Variants in LDAH observed in about 807,000 individuals in gnomAD.
LDAH encodes lipid droplet associated hydrolase.
Under a neutral mutation model 29.6 loss-of-function variants are expected in LDAH, and 26 were observed. The ratio of observed to expected loss-of-function variants is 0.88; its 90% CI spans 0.64 to 1.22. The LOEUF is 1.22. LDAH is among the 50% of genes most tolerant of loss of function. The pLI is 0.00. For missense variants in LDAH, 344 were observed against 387.3 expected (o/e 0.89, Z 0.94); for synonymous variants, 117 against 133.0 (o/e 0.88, Z 0.83).
chr2:20,756,523 C>A (rs919223428), intron 4 of LDAH, among the ~76,000 whole-genome samples: 1 of 151,216 alleles, frequency 6.6e-6, no homozygotes, highest in African/African-American at 2.4e-5. Context: ...AAAGAGAGAC[C>A]CATGAAGTAA....
At chr2:20,778,830 T>C (rs1339416469) in intron 3 of LDAH, among the ~76,000 whole-genome samples, 1 of 152,112 alleles carries the variant, frequency 6.6e-6, no homozygotes, top group Non-Finnish European at 1.5e-5. Flanking sequence ...ATATTCTTTA[T>C]TACATGTATA....
intron 4 of LDAH, among the ~76,000 whole-genome samples, chr2:20,740,975 T>TGTG (rs1246419048): frequency 1.3e-5 from 2 of 152,208 alleles, no homozygotes; most frequent in African/African-American, 4.8e-5. Flanking sequence ...TTCTAACAGG[T>TGTG]GTGGCGTTAT....
chr2:20,788,443 G>A (rs1267987057), intron 3 of LDAH, among the ~76,000 whole-genome samples: 7 of 152,172 alleles, frequency 4.6e-5, no homozygotes, highest in Admixed American at 3.9e-4. Context: ...TGAGGTCAGA[G>A]ATTACAATTA....
At chr2:20,689,538 G>T (rs1662837624) in intron 6 of LDAH, among the ~76,000 whole-genome samples, 1 of 152,108 alleles carries the variant, frequency 6.6e-6, no homozygotes. Flanking sequence ...CGTTTCCCCG[G>T]ATCTCTCAGC....
chr2:20,754,318 C>T (rs1055587263), intron 4 of LDAH, among the ~76,000 whole-genome samples: 6 of 151,400 alleles, frequency 4.0e-5, no homozygotes, highest in Non-Finnish European at 8.8e-5. Flanking sequence ...TGAAACCCGT[C>T]TCTACTAAAA....
At chr2:20,809,561 C>T (rs962888637) in intron 1 of LDAH, among the ~76,000 whole-genome samples, 5 of 151,968 alleles carry the variant, frequency 3.3e-5, no homozygotes, top group African/African-American at 4.8e-5. Flanking sequence ...ATTCTGAAAA[C>T]GAGCCTGTTG....
At chr2:20,790,449 A>T (rs1224960139) in intron 2 of LDAH, 51 bp from the exon 3 acceptor site, 2 of 1,503,826 alleles carry the variant, frequency 1.3e-6, no homozygotes, top group South Asian at 1.2e-5. Flanking sequence ...AAACAGGCAT[A>T]AGATGACACG....
intron 1 of LDAH, among the ~76,000 whole-genome samples, chr2:20,805,862 A>G (rs1232443815): frequency 6.6e-6 from 1 of 151,284 alleles, no homozygotes; most frequent in Non-Finnish European, 1.5e-5. Context: ...ATATGTTTAA[A>G]TATATACTTA....
At chr2:20,813,679 T>C (rs997982440) in intron 1 of LDAH, among the ~76,000 whole-genome samples, 1 of 152,232 alleles carries the variant, frequency 6.6e-6, no homozygotes, top group African/African-American at 2.4e-5. Flanking sequence ...AAGAATGTAA[T>C]TCTTTTAGCG....
intron 4 of LDAH, among the ~76,000 whole-genome samples, chr2:20,766,205 A>C (rs1669025728): frequency 6.6e-6 from 1 of 152,022 alleles, no homozygotes; most frequent in Non-Finnish European, 1.5e-5. Flanking sequence ...TTTTTATTCT[A>C]TTCTATTTTA....
In LDAH at chr2:20,701,550, T is replaced by C. The variant is rs550533040; in HGVS notation, c.786+20A>G. 5.0e-6 allele frequency: 8 copies of C among 1,602,426 alleles called. No homozygotes were observed. In the Admixed American group the frequency reaches 1.2e-4, roughly 23 times the overall value. Reference sequence around the variant, plus strand: ...CCCATCTACTTATTATCTATCCCCTTGCAGCACTAAAGTGATTACCTTACA... The same window carrying C: ...CCCATCTACTTATTATCTATCCCCTCGCAGCACTAAAGTGATTACCTTACA... On this transcript the variant is annotated intron_variant, in intron 6 of 6. Transcript: ENST00000237822.
intron 5 of LDAH, among the ~76,000 whole-genome samples, chr2:20,724,897 C>T (rs113663651): frequency 1.0e-3 from 156 of 152,150 alleles, no homozygotes; most frequent in African/African-American, 3.7e-3. Context: ...TTTGGCTTTG[C>T]CATTATTGAG....
chr2:20,728,840 G>A (rs1666202972), intron 5 of LDAH, among the ~76,000 whole-genome samples: 1 of 152,060 alleles, frequency 6.6e-6, no homozygotes, highest in African/African-American at 2.4e-5. Flanking sequence ...AGAGACCACT[G>A]AAGTAGTAGT....
chr2:20,692,141 A>C (rs908861019), intron 6 of LDAH, among the ~76,000 whole-genome samples: 4 of 152,210 alleles, frequency 2.6e-5, no homozygotes, highest in Non-Finnish European at 5.9e-5. Flanking sequence ...TAAGTGGCTG[A>C]CATTCAGAAG....
At position 20,685,632 on chromosome 2, in the gene LDAH, A is replaced by G; in HGVS notation, c.*1271T>C. ...GAGGGACATCTCATTGTCCTTAGGG[A>G]ATGATAATGCCATGAGGGATTTCCT... On this transcript the variant is annotated 3_prime_UTR_variant, in exon 7 of 7. Transcript: ENST00000237822. 6.5e-7 allele frequency: 1 copy of G among 1,550,374 alleles called. No individual in the cohort carries two copies. The highest frequency in any genetic ancestry group is 1.7e-4 in the Middle Eastern group (1 of 5,992).
chr2:20,781,762 G>A (rs1670212486), intron 3 of LDAH, among the ~76,000 whole-genome samples: 1 of 152,164 alleles, frequency 6.6e-6, no homozygotes, highest in Non-Finnish European at 1.5e-5. Flanking sequence ...AACCTAGTAG[G>A]TTGTCAATAA....
At chr2:20,714,390 A>G (rs1236941569) in intron 5 of LDAH, among the ~76,000 whole-genome samples, 2 of 152,246 alleles carry the variant, frequency 1.3e-5, no homozygotes, top group Non-Finnish European at 2.9e-5. Flanking sequence ...CAGTGTGTAG[A>G]GGGAAATTTG....
At chr2:20,754,500 C>CAAAAAAAAAAAAAAAAA (rs61076745) in intron 4 of LDAH, among the ~76,000 whole-genome samples, 1 of 77,438 alleles carries the variant, frequency 1.3e-5, no homozygotes. Flanking sequence ...ACCCTCGCCA[C>CAAAAAAAAAAAAAAAAA]AAAAAAAAAA....
intron 5 of LDAH, among the ~76,000 whole-genome samples, chr2:20,734,212 G>A (rs866235237): frequency 6.6e-6 from 1 of 152,064 alleles, no homozygotes; most frequent in Non-Finnish European, 1.5e-5. Context: ...TTTAAACTAA[G>A]ACTTGAGGAC....
Sources: gnomAD v4.1 joint callset for allele counts (sites outside exome capture counted in the v4.1 genomes callset) on GRCh38, gnomAD v4.1.1 for gene constraint, MANE v1.5 for transcripts, NCBI Gene and HGNC (gene_info 2026-07-23, HGNC 2026-07-21) for gene names.